The following PCDHA5 variants were observed in gnomAD, a reference collection of about 807,000 sequenced individuals.
PCDHA5 encodes the protein protocadherin alpha 5.
In PCDHA5, 43 loss-of-function variants were observed where a neutral mutation model predicts 61.6. The observed-to-expected ratio is 0.70, with a 90% CI of 0.55 to 0.90. The LOEUF (loss-of-function observed/expected upper bound fraction) is 0.90. PCDHA5 is among the 40% of genes least tolerant of loss of function. The probability of loss-of-function intolerance (pLI) is 0.00; values close to 1 mark genes in which losing one functional copy is unlikely to be tolerated. For synonymous variants in PCDHA5, 627 were observed against 543.9 expected, an observed-to-expected ratio of 1.15 and a Z score of -2.13; for missense variants, 1,298 against 1,222.7, an observed-to-expected ratio of 1.06 and a Z score of -0.92.
In PCDHA5 at chr5:140,875,869, T is replaced by C. The variant is rs2055890630; in HGVS notation, c.2352+51742T>C. ...GGACATTAACGACAACCCGCCGGTG[T>C]TCAGAGAAAGGGAACAAAAGGTACC... On this transcript the variant is annotated intron_variant, in intron 1 of 3. Coordinates refer to ENST00000529859, the MANE Select transcript of PCDHA5 (RefSeq NM_018908.3). 4.3e-6 allele frequency: 7 copies of C among 1,614,170 alleles called. No individual in the cohort carries two copies. The East Asian group carries it at 1.6e-4, about 36-fold the overall frequency.
chr5:140,885,138 T>C (rs1582817960), intron 1 of PCDHA5, among the ~76,000 whole-genome samples: 1 of 152,206 alleles, frequency 6.6e-6, no homozygotes, highest in Admixed American at 6.5e-5. Context: ...TTTCTTTTTT[T>C]AAACTGTTTT....
At chr5:140,872,001 AC>A (rs1237580171) in intron 1 of PCDHA5, among the ~76,000 whole-genome samples, 21 of 152,320 alleles carry the variant, frequency 1.4e-4, no homozygotes, top group African/African-American at 5.1e-4. Context: ...GTGGCTATTT[AC>A]AGGTGACCTG....
chr5:140,934,925 A>G (rs2090105619), intron 1 of PCDHA5, among the ~76,000 whole-genome samples: 1 of 152,196 alleles, frequency 6.6e-6, no homozygotes, highest in African/African-American at 2.4e-5. Context: ...ATTCACATAA[A>G]GTTACAAAAC....
chr5:140,851,523 C>T lies in PCDHA5; in HGVS notation c.2352+27396C>T, dbSNP rs1562479634. The T allele has an allele frequency of 1.1e-5, 10 of 902,364 alleles. 2 individuals are homozygous for T. The highest frequency in any genetic ancestry group is 1.4e-5 in the Non-Finnish European group (10 of 740,586). 55.9% of individuals were successfully genotyped at this position (902,364 alleles called of 1,614,324 possible). A position where few individuals can be genotyped will look rare whatever the true frequency, so the allele number is the denominator to read the frequency against. On this transcript the variant is annotated intron_variant, in intron 1 of 3. Coordinates refer to ENST00000529859, the MANE Select transcript of PCDHA5 (RefSeq NM_018908.3). The stretch of plus-strand genomic sequence containing the variant: ...CTTATATAAAATATGTTTTAAAATG[C>T]CTGACAATGTAGATAATTCAAGAAA...
intron 1 of PCDHA5, chr5:140,850,311 T>G: frequency 1.9e-6 from 3 of 1,597,000 alleles, no homozygotes; most frequent in Non-Finnish European, 2.6e-6. Context: ...CTACAACGCG[T>G]GGCTTTCATA....
chr5:140,969,261 T>G (rs2153777840), intron 1 of PCDHA5: 1 of 1,614,180 alleles, frequency 6.2e-7, no homozygotes, highest in South Asian at 1.1e-5. Flanking sequence ...AGCAGGAATC[T>G]CACAGGCCAA....
intron 1 of PCDHA5, among the ~76,000 whole-genome samples, chr5:140,847,167 A>T (rs1354541358): frequency 6.7e-6 from 1 of 149,596 alleles, no homozygotes; most frequent in Non-Finnish European, 1.5e-5. Flanking sequence ...TGAGTAATAA[A>T]CTAAAGGGCC....
At chr5:140,871,209 C>T (rs955703694) in intron 1 of PCDHA5, 19 of 1,613,704 alleles carry the variant, frequency 1.2e-5, no homozygotes, top group East Asian at 4.5e-5. Flanking sequence ...TGATCATCGC[C>T]ATCTGCGTGG....
At chr5:140,830,246 A>C (rs782731827) in intron 1 of PCDHA5, 3 of 1,613,762 alleles carry the variant, frequency 1.9e-6, no homozygotes, top group Admixed American at 3.3e-5. Context: ...ACTGCTGTAC[A>C]CAGCGCTGCG....
At position 140,856,418 on chromosome 5, in the gene PCDHA5, G is replaced by A. The variant is rs782470045; in HGVS notation, c.2352+32291G>A. 17 of 1,598,338 alleles carry A rather than the reference G, an allele frequency of 1.1e-5. 1 individual carries two copies. The Admixed American group carries it at 1.2e-4, about 11-fold the overall frequency. On this transcript the variant is annotated intron_variant, in intron 1 of 3. Transcript: ENST00000529859. ...TTTCCATGTGGACGTGGAAGTGAAGGACATTAACGACAACCCGCCCAGGTT... is the reference window on the plus strand; with the variant it reads ...TTTCCATGTGGACGTGGAAGTGAAGAACATTAACGACAACCCGCCCAGGTT...
chr5:140,859,256 G>C lies in PCDHA5; in HGVS notation c.2352+35129G>C, dbSNP rs182882850. On this transcript the variant is annotated intron_variant, in intron 1 of 3. Transcript: ENST00000529859. Reference sequence around the variant, plus strand: ...TCATGCTTATGTTTAATAATGAAGAGAATTTGAACACTTTTTACTTTTGAG... The same window carrying C: ...TCATGCTTATGTTTAATAATGAAGACAATTTGAACACTTTTTACTTTTGAG... 3 of 131,348 alleles carry C rather than the reference G, an allele frequency of 2.3e-5. 1 individual carries two copies. The highest frequency in any genetic ancestry group is 5.3e-5 in the Non-Finnish European group (3 of 56,988). The allele number at this position is 131,348 out of a possible 1,614,324, so 8.1% of individuals were successfully genotyped here.
At chr5:140,829,036 A>T in intron 1 of PCDHA5, 7 of 1,613,076 alleles carry the variant, frequency 4.3e-6, no homozygotes, top group Non-Finnish European at 5.9e-6. Context: ...AAGAAAACTT[A>T]TACAAAATCC....
At chr5:140,882,374 C>A in intron 1 of PCDHA5, 1 of 1,614,186 alleles carries the variant, frequency 6.2e-7, no homozygotes, top group East Asian at 2.2e-5. Flanking sequence ...CTACTCCGTC[C>A]CCGAGGAAGC....
At position 140,850,667 on chromosome 5, in the gene PCDHA5, G is replaced by C. The variant is rs2150492921; in HGVS notation, c.2352+26540G>C. Reference sequence around the variant, plus strand: ...TGCTGTACACTGTGCTGCGGTGCTCGGCGATGCCCACCGAGGGCGAGTGCG... The same window carrying C: ...TGCTGTACACTGTGCTGCGGTGCTCCGCGATGCCCACCGAGGGCGAGTGCG... On this transcript the variant is annotated intron_variant, in intron 1 of 3. Transcript: ENST00000529859. 10 of 1,598,386 alleles carry C rather than the reference G, an allele frequency of 6.3e-6. No homozygotes were observed. The East Asian group carries it at 1.3e-4, about 21-fold the overall frequency.
chr5:140,834,456 G>A (rs2150218651), intron 1 of PCDHA5: 5 of 1,614,148 alleles, frequency 3.1e-6, no homozygotes, highest in Non-Finnish European at 4.2e-6. Context: ...AGCAGCTTGG[G>A]AGGCAGGGAG....
intron 1 of PCDHA5, among the ~76,000 whole-genome samples, chr5:140,941,183 T>C (rs2092749314): frequency 8.3e-6 from 1 of 120,094 alleles, no homozygotes; most frequent in African/African-American, 3.0e-5. Flanking sequence ...AACATCCTGC[T>C]TCTTTTTTTT....
intron 1 of PCDHA5, chr5:140,834,658 G>T (rs1554134403): frequency 6.2e-7 from 1 of 1,614,242 alleles, no homozygotes; most frequent in South Asian, 1.1e-5. Context: ...CGGATCGACC[G>T]CGAGGAGCTG....
At chr5:140,929,679 G>A (rs142104946) in intron 1 of PCDHA5, 4 of 303,052 alleles carry the variant, frequency 1.3e-5, no homozygotes, top group African/African-American at 2.2e-5. Context: ...TGAAAAATAT[G>A]TAAGAGTCTG....
At position 140,850,786 on chromosome 5, in the gene PCDHA5, A is replaced by C. The variant is rs2150498536; in HGVS notation, c.2352+26659A>C. 0.62 allele frequency: 994,890 copies of C among 1,596,700 alleles called. 342,727 individuals are homozygous for C. The highest frequency in any genetic ancestry group is 0.72 in the African/African-American group (53,217 of 73,966). The stretch of plus-strand genomic sequence containing the variant: ...CAGAGGGTGTGCTCTGGCGAGGGTA[A>C]GCAGAAGACCGACCTCATGGCCTTC... On this transcript the variant is annotated intron_variant, in intron 1 of 3. Transcript: ENST00000529859.
Sources: gnomAD v4.1 joint callset for allele counts (sites outside exome capture counted in the v4.1 genomes callset) on GRCh38, gnomAD v4.1.1 for gene constraint, MANE v1.5 for transcripts, NCBI Gene and HGNC (gene_info 2026-07-23, HGNC 2026-07-21) for gene names.